Variants in TXLNA observed in about 807,000 individuals in gnomAD.
TXLNA encodes taxilin alpha, also known as alpha-taxilin.
In TXLNA, 9 loss-of-function variants were observed where a neutral mutation model predicts 61.4. The ratio of observed to expected loss-of-function variants is 0.15; its 90% CI spans 0.09 to 0.26. TXLNA has a LOEUF of 0.26. TXLNA is among the 10% of genes least tolerant of loss of function. The probability of loss-of-function intolerance (pLI) is 1.00; values close to 1 mark genes in which losing one functional copy is unlikely to be tolerated. For synonymous variants in TXLNA, 257 were observed against 267.7 expected, an observed-to-expected ratio of 0.96 and a Z score of 0.39; for missense variants, 565 against 688.8, an observed-to-expected ratio of 0.82 and a Z score of 2.01.
Position 32,196,107 on chromosome 1 carries a change from C to T in TXLNA, c.*912C>T, listed in dbSNP as rs1456676928. The T allele has an allele frequency of 6.3e-6, 1 of 158,924 alleles. No individual in the cohort carries two copies. The highest frequency in any genetic ancestry group is 1.4e-5 in the Non-Finnish European group (1 of 72,628). The allele number at this position is 158,924 out of a possible 1,614,324, so 9.8% of individuals were successfully genotyped here. A position where few individuals can be genotyped will look rare whatever the true frequency, so the allele number is the denominator to read the frequency against. Reference sequence around the variant, plus strand: ...GCCTCCAGTGTCCCACCTCCTTCACCACCCCACTTGGCTCCTTTGCCATCT... The same window carrying T: ...GCCTCCAGTGTCCCACCTCCTTCACTACCCCACTTGGCTCCTTTGCCATCT... On this transcript the variant is annotated 3_prime_UTR_variant, in exon 11 of 11. Transcript: ENST00000373610.
At chr1:32,183,261 C>T (rs1336205126) in intron 3 of TXLNA, among the ~76,000 whole-genome samples, 3 of 149,946 alleles carry the variant, frequency 2.0e-5, no homozygotes, top group African/African-American at 7.4e-5. Flanking sequence ...GTAGCTGGGA[C>T]TACAGGCGCC....
In TXLNA at chr1:32,195,651, T is replaced by G. The variant is rs529230502; in HGVS notation, c.*456T>G. 4 of 453,046 alleles carry G rather than the reference T, an allele frequency of 8.8e-6. No individual in the cohort carries two copies. Among genetic ancestry groups the G allele is most frequent in the Admixed American group, 4.8e-5 (2 of 41,376 alleles). The allele number at this position is 453,046 out of a possible 1,614,324, so 28.1% of individuals were successfully genotyped here. On this transcript the variant is annotated 3_prime_UTR_variant, in exon 11 of 11. Transcript: ENST00000373610. ...TGTGAGCAGGGCTTGCTTGGTCAGC[T>G]CAGGCCCTCCTAGCTGCTCTGGAGG...
At position 32,195,609 on chromosome 1, in the gene TXLNA, C is replaced by A; in HGVS notation, c.*414C>A. On this transcript the variant is annotated 3_prime_UTR_variant, in exon 11 of 11. Transcript: ENST00000373610. ...CTCAAGACAAGTAATACACCCAGGTCTTGACTGCATTTGTCTTGTGAGCAG... is the reference window on the plus strand; with the variant it reads ...CTCAAGACAAGTAATACACCCAGGTATTGACTGCATTTGTCTTGTGAGCAG... 1 of 412,628 alleles carries A rather than the reference C, an allele frequency of 2.4e-6. No homozygotes were observed. Among genetic ancestry groups the A allele is most frequent in the Non-Finnish European group, 4.8e-6 (1 of 209,978 alleles). The allele number at this position is 412,628 out of a possible 1,614,324, so 25.6% of individuals were successfully genotyped here.
Position 32,198,222 on chromosome 1 carries a change from C to T in TXLNA, c.*3027C>T, listed in dbSNP as rs952845787. On this transcript the variant is annotated 3_prime_UTR_variant, in exon 11 of 11. Coordinates refer to ENST00000373610, the MANE Select transcript of TXLNA (RefSeq NM_175852.4). Reference sequence around the variant, plus strand: ...CTTTTTTGTCTCCTTTGGGTATTCACAACAGCCAGGGACTTGATTTTGATG... The same window carrying T: ...CTTTTTTGTCTCCTTTGGGTATTCATAACAGCCAGGGACTTGATTTTGATG... 1 of 152,272 alleles carries T rather than the reference C, an allele frequency of 6.6e-6. No homozygotes were observed. The highest frequency in any genetic ancestry group is 1.5e-5 in the Non-Finnish European group (1 of 68,054). The allele number at this position is 152,272 out of a possible 1,614,324, so 9.4% of individuals were successfully genotyped here.
At chr1:32,185,032 T>A (rs752532807) in intron 4 of TXLNA, among the ~76,000 whole-genome samples, 8 of 152,208 alleles carry the variant, frequency 5.3e-5, no homozygotes, top group Non-Finnish European at 1.0e-4. Flanking sequence ...GACATTGACT[T>A]TTAACAGAAA....
rs1044359821 is a variant in TXLNA, at chr1:32,192,551, C to T, written c.1084-106C>T. On this transcript the variant is annotated intron_variant, in intron 7 of 10. Transcript: ENST00000373610. This position sits in a 1 kb window ranked among gnomAD's most constrained non-coding sequence, Gnocchi z 4.2. ...AGACCAGGCACAGATTCCTTGAGTA[C>T]CAGTCTGAGAGCAGGAAGCCTCAGT... is the stretch of plus-strand genomic sequence containing the variant. 3.2e-6 allele frequency: 5 copies of T among 1,587,110 alleles called. No individual in the cohort carries two copies. Among genetic ancestry groups the T allele is most frequent in the Non-Finnish European group, 4.3e-6 (5 of 1,159,674 alleles).
intron 10 of TXLNA, 132 bp from the exon 11 acceptor site, chr1:32,194,770 G>T (rs1179752984): frequency 2.7e-6 from 3 of 1,093,390 alleles, no homozygotes; most frequent in African/African-American, 1.6e-5. Flanking sequence ...CTTCAACTAG[G>T]ACTGTTTCCT....
intron 4 of TXLNA, among the ~76,000 whole-genome samples, chr1:32,185,358 GTA>G (rs1222382139): frequency 2.1e-4 from 30 of 144,426 alleles, no homozygotes; most frequent in African/African-American, 8.4e-4. Context: ...CACAGCCTGT[GTA>G]TGTATGTATG....
At chr1:32,180,593 G>A (rs1348323493) in intron 2 of TXLNA, 79 bp downstream of exon 2, 3 of 1,476,560 alleles carry the variant, frequency 2.0e-6, no homozygotes, top group Non-Finnish European at 2.7e-6. Context: ...TACAGGCCGA[G>A]GCCAGGTTGT....
intron 4 of TXLNA, among the ~76,000 whole-genome samples, chr1:32,185,275 G>A (rs934415382): frequency 3.3e-5 from 5 of 152,130 alleles, no homozygotes; most frequent in African/African-American, 1.2e-4. Flanking sequence ...TGGGTTGGGG[G>A]TGGGGCAGCC....
chr1:32,183,307 G>T (rs895829176), intron 3 of TXLNA, among the ~76,000 whole-genome samples: 5 of 137,808 alleles, frequency 3.6e-5, no homozygotes, highest in East Asian at 2.3e-4. Flanking sequence ...TATTTTTTTA[G>T]TAGTGACAGG....
Position 32,194,825 on chromosome 1 carries a change from A to G in TXLNA, c.1348-77A>G. ...CTCGGTCTGCTCTCAGCCTTGTTAA[A>G]GTGTTTGCCGCCAAGTGGTGATGGT... On this transcript the variant is annotated intron_variant, in intron 10 of 10. Coordinates refer to ENST00000373610, the MANE Select transcript of TXLNA (RefSeq NM_175852.4). 4 of 1,508,684 alleles carry G rather than the reference A, an allele frequency of 2.7e-6. No individual in the cohort carries two copies. In the South Asian group the frequency reaches 5.3e-5, roughly 20 times the overall value. The allele number at this position is 1,508,684 out of a possible 1,614,324, so 93.5% of individuals were successfully genotyped here. A position where few individuals can be genotyped will look rare whatever the true frequency, so the allele number is the denominator to read the frequency against.
At chr1:32,188,232 C>T in intron 5 of TXLNA, 108 bp downstream of exon 5, 1 of 1,165,236 alleles carries the variant, frequency 8.6e-7, no homozygotes, top group East Asian at 2.6e-5. Flanking sequence ...GGGCCAGGCG[C>T]AGTGGCACAC....
rs555342220 is a variant in TXLNA, at chr1:32,189,832, C to T, written c.769-223C>T. 9.7e-4 allele frequency among the ~76,000 whole-genome samples: 147 copies of T among 152,160 alleles called. 1 individual carries two copies. Among genetic ancestry groups the T allele is most frequent in the African/African-American group, 3.4e-3 (142 of 41,500 alleles). ...CTGGGATTACAGGCGTGAGCCACCG[C>T]GCCTGCCATGTGCCTGCATTTTTCT... On this transcript the variant is annotated intron_variant, in intron 5 of 10. Coordinates refer to ENST00000373610, the MANE Select transcript of TXLNA (RefSeq NM_175852.4).
intron 5 of TXLNA, 22 bp downstream of exon 5, chr1:32,188,146 C>A: frequency 6.6e-7 from 1 of 1,524,466 alleles, no homozygotes; most frequent in Admixed American, 2.1e-5. Context: ...CCCCCTGGAA[C>A]AGGTGACTCT....
At position 32,195,543 on chromosome 1, in the gene TXLNA, C is replaced by T; in HGVS notation, c.*348C>T. 1 of 432,928 alleles carries T rather than the reference C, an allele frequency of 2.3e-6. No individual in the cohort carries two copies. Among genetic ancestry groups the T allele is most frequent in the East Asian group, 5.0e-5 (1 of 20,182 alleles). 26.8% of individuals were successfully genotyped at this position (432,928 alleles called of 1,614,324 possible). A position where few individuals can be genotyped will look rare whatever the true frequency, so the allele number is the denominator to read the frequency against. On this transcript the variant is annotated 3_prime_UTR_variant, in exon 11 of 11. Transcript: ENST00000373610. ...TGGCAGAAGTGACTTGAGCATTTCT[C>T]TGTCTGATTTGAGGCTCAGACCCCT...
intron 1 of TXLNA, chr1:32,180,109 C>T (rs1281418918): frequency 2.1e-6 from 1 of 487,196 alleles, no homozygotes; most frequent in Non-Finnish European, 3.6e-6. Flanking sequence ...TTCCCTCACC[C>T]GCTGTGGGAG....
chr1:32,189,946 A>G, intron 5 of TXLNA, 109 bp from the exon 6 acceptor site: 1 of 1,205,746 alleles, frequency 8.3e-7, no homozygotes, highest in Admixed American at 2.4e-5. Context: ...TGGCTACTCC[A>G]CGCTTTGGGA....
chr1:32,180,573 C>T (rs1642632758), intron 2 of TXLNA, 59 bp downstream of exon 2: 2 of 1,520,852 alleles, frequency 1.3e-6, no homozygotes, highest in Non-Finnish European at 1.8e-6. Flanking sequence ...GTCGGCCTCG[C>T]TTCTGGACTT....
Sources: allele counts gnomAD v4.1 joint callset (sites outside exome capture counted in the v4.1 genomes callset), GRCh38; gene constraint gnomAD v4.1.1; non-coding constraint Gnocchi (gnomAD v3.1); transcripts MANE v1.5; gene names NCBI Gene and HGNC (gene_info 2026-07-23, HGNC 2026-07-21).